The following NDRG4 variants were observed in gnomAD, a reference collection of about 807,000 sequenced individuals.
NDRG4 encodes the protein NDRG family member 4, also known as protein NDRG4.
A neutral mutation model predicts 55.8 loss-of-function variants in NDRG4; 38 were observed. That is an observed-to-expected ratio of 0.68 (90% CI 0.53 to 0.89). NDRG4 has a LOEUF of 0.89. Among genes scored for constraint, NDRG4 ranks in the 40% least tolerant of loss-of-function variants. The probability of loss-of-function intolerance (pLI) is 0.00; values close to 1 mark genes in which losing one functional copy is unlikely to be tolerated. For synonymous variants in NDRG4, 190 were observed against 182.7 expected (o/e 1.04, Z -0.32); for missense variants, 455 against 468.6 (o/e 0.97, Z 0.27).
In NDRG4 at chr16:58,464,748, A is replaced by AAGCTAGGGC; in HGVS notation, c.-24+957_-24+958insGGCAGCTAG. On this transcript the variant is annotated intron_variant, in intron 1 of 15. Coordinates refer to the NDRG4 transcript ENST00000258187. This position sits in a 1 kb window ranked among gnomAD's most constrained non-coding sequence, Gnocchi z 4.8. ...AGCGGAGCTCGGATTAGGACCCTGA[A>AAGCTAGGGC]AGCTAGCTCAGGGCTCCTGCCCTCC... is the stretch of plus-strand genomic sequence containing the variant. 7.9e-7 allele frequency: 1 copy of AAGCTAGGGC among 1,273,780 alleles called. No individual in the cohort carries two copies. The highest frequency in any genetic ancestry group is 9.9e-7 in the Non-Finnish European group (1 of 1,011,562). 78.9% of individuals were successfully genotyped at this position (1,273,780 alleles called of 1,614,324 possible).
intron 1 of NDRG4, among the ~76,000 whole-genome samples, chr16:58,471,261 G>A (rs1384057825): frequency 1.5e-5 from 2 of 135,348 alleles, no homozygotes; most frequent in Non-Finnish European, 3.0e-5. Flanking sequence ...AGTGTGGCAT[G>A]ACCTCGGCGT....
chr16:58,501,265 C>A, intron 1 of NDRG4: 1 of 398,306 alleles, frequency 2.5e-6, no homozygotes, highest in Non-Finnish European at 4.4e-6. Flanking sequence ...GGCTGACAGG[C>A]CGAACCACAG....
chr16:58,508,173 T>C (rs2038293933), intron 10 of NDRG4, among the ~76,000 whole-genome samples, 174 bp downstream of exon 10: 1 of 152,172 alleles, frequency 6.6e-6, no homozygotes, highest in Non-Finnish European at 1.5e-5. Flanking sequence ...ACATCTGGCA[T>C]AGCCCCCATC....
At chr16:58,470,691 G>C (rs577775884) in intron 1 of NDRG4, among the ~76,000 whole-genome samples, 1 of 152,202 alleles carries the variant, frequency 6.6e-6, no homozygotes. Flanking sequence ...TGGATCACCT[G>C]AGGTCAGGAG....
Position 58,464,666 on chromosome 16 carries a change from C to G in NDRG4, c.-24+869C>G, listed in dbSNP as rs1335929148. On this transcript the variant is annotated intron_variant, in intron 1 of 15. Transcript: ENST00000258187. The surrounding 1 kb of genome is among the most constrained non-coding windows in gnomAD (Gnocchi z 4.8). ...TTGAGGTTGTGGCGAGTCCCTGGCG[C>G]TGGCGTCCGGGCTGCGGGAGCACCG... 11 of 1,048,588 alleles carry G rather than the reference C, an allele frequency of 1.0e-5. No homozygotes were observed. Among genetic ancestry groups the G allele is most frequent in the Non-Finnish European group, 1.4e-5 (11 of 807,632 alleles). 65.0% of individuals were successfully genotyped at this position (1,048,588 alleles called of 1,614,324 possible).
In NDRG4 at chr16:58,512,938, G is replaced by T. The variant is rs367720486; in HGVS notation, c.*1362G>T. On this transcript the variant is annotated 3_prime_UTR_variant, in exon 15 of 15. Transcript: ENST00000570248. ...TCTGAGGCTGAGAGGACACCTATAT[G>T]CGTATTTCCTCTACACACATCACCC... is the stretch of plus-strand genomic sequence containing the variant. The T allele has an allele frequency of 3.3e-5, 5 of 152,670 alleles. 1 individual carries two copies. The highest frequency in any genetic ancestry group is 3.9e-4 in the East Asian group (2 of 5,178). The allele number at this position is 152,670 out of a possible 1,614,324, so 9.5% of individuals were successfully genotyped here. A position where few individuals can be genotyped will look rare whatever the true frequency, so the allele number is the denominator to read the frequency against.
rs953569560 is a variant in NDRG4, at chr16:58,464,496, G to A, written c.-24+699G>A. On this transcript the variant is annotated intron_variant, in intron 1 of 15. Transcript: ENST00000258187. This position sits in a 1 kb window ranked among gnomAD's most constrained non-coding sequence, Gnocchi z 4.8. ...CCGCCCGCCTGCCCCGCAGCCGGCCGCCACTTTCCGAGTTGGAGCGGACTC... is the reference window on the plus strand; with the variant it reads ...CCGCCCGCCTGCCCCGCAGCCGGCCACCACTTTCCGAGTTGGAGCGGACTC... The A allele has an allele frequency of 2.3e-6, 3 of 1,306,366 alleles. No individual in the cohort carries two copies. Among genetic ancestry groups the A allele is most frequent in the Non-Finnish European group, 2.9e-6 (3 of 1,026,092 alleles). 80.9% of individuals were successfully genotyped at this position (1,306,366 alleles called of 1,614,324 possible).
chr16:58,474,844 C>T (rs141391969), intron 1 of NDRG4, among the ~76,000 whole-genome samples: 2,025 of 152,296 alleles, frequency 0.013, 28 homozygotes, highest in Middle Eastern at 0.024. Flanking sequence ...AAACCCAGTG[C>T]TGTTAGGAGA....
At chr16:58,474,939 C>T (rs56379581) in intron 1 of NDRG4, among the ~76,000 whole-genome samples, 1 of 152,184 alleles carries the variant, frequency 6.6e-6, no homozygotes, top group Non-Finnish European at 1.5e-5. Flanking sequence ...CTGGGAGTTG[C>T]TTGGAACAGA....
At chr16:58,500,528 A>T (rs2151769452) in intron 1 of NDRG4, 1 of 556,002 alleles carries the variant, frequency 1.8e-6, no homozygotes, top group South Asian at 2.1e-5. Flanking sequence ...GGGGTGGGTG[A>T]CATATCTGCA....
In NDRG4 at chr16:58,507,928, C is replaced by T. The variant is rs1567352688; in HGVS notation, c.678-20C>T. On this transcript the variant is annotated intron_variant, in intron 9 of 14. Coordinates refer to ENST00000570248, the MANE Select transcript of NDRG4 (RefSeq NM_001242835.2). ...GCCCCCATGACCCAGCCAGACAGCCCTTTTCCTCTGTATCTGCAGCTGCCC... is the reference window on the plus strand; with the variant it reads ...GCCCCCATGACCCAGCCAGACAGCCTTTTTCCTCTGTATCTGCAGCTGCCC... The T allele has an allele frequency of 6.2e-7, 1 of 1,612,750 alleles. No homozygotes were observed. Among genetic ancestry groups the T allele is most frequent in the East Asian group, 2.2e-5 (1 of 44,832 alleles).
At chr16:58,507,404 TGCAGGAA>T (rs2038183000) in intron 8 of NDRG4, 1 of 360,068 alleles carries the variant, frequency 2.8e-6, no homozygotes, top group Non-Finnish European at 5.1e-6. Context: ...TGCCCTGCCC[TGCAGGAA>T]GGTGGCCAGG....
At chr16:58,505,043 GT>G (rs2037671791) in intron 5 of NDRG4, among the ~76,000 whole-genome samples, 1 of 152,046 alleles carries the variant, frequency 6.6e-6, no homozygotes, top group Non-Finnish European at 1.5e-5. Flanking sequence ...TGGTTGGGAG[GT>G]TTAAAGAAGG....
At chr16:58,511,268 G>C in intron 14 of NDRG4, 154 bp from the exon 15 acceptor site, 1 of 851,324 alleles carries the variant, frequency 1.2e-6, no homozygotes, top group East Asian at 2.5e-5. Flanking sequence ...CATGCCCCCA[G>C]CCCGACAGCT....
chr16:58,500,624 G>A, intron 1 of NDRG4: 2 of 508,344 alleles, frequency 3.9e-6, no homozygotes, highest in Non-Finnish European at 6.9e-6. Flanking sequence ...CCCTCTGACC[G>A]TGTGCCCTCT....
chr16:58,501,148 C>T, intron 1 of NDRG4: 3 of 1,069,776 alleles, frequency 2.8e-6, no homozygotes, highest in Non-Finnish European at 3.6e-6. Flanking sequence ...GGGCCCCACA[C>T]GCCTGCCCTG....
At chr16:58,477,682 GAAAA>G (rs202141495) in intron 1 of NDRG4, among the ~76,000 whole-genome samples, 4 of 127,452 alleles carry the variant, frequency 3.1e-5, no homozygotes, top group African/African-American at 8.8e-5. Flanking sequence ...TCCTCAGCAG[GAAAA>G]AAAAAAAGAA....
chr16:58,479,187 C>G (rs1206207344), intron 1 of NDRG4, among the ~76,000 whole-genome samples: 1 of 152,090 alleles, frequency 6.6e-6, no homozygotes. Flanking sequence ...AGCCACTGTG[C>G]CCAGCCATAA....
chr16:58,466,889 A>G (rs1320639497), intron 1 of NDRG4, among the ~76,000 whole-genome samples: 1 of 152,034 alleles, frequency 6.6e-6, no homozygotes, highest in Non-Finnish European at 1.5e-5. Context: ...CGTGGTTGGG[A>G]CCTAGACCCT....
Sources: gnomAD v4.1 joint callset for allele counts (sites outside exome capture counted in the v4.1 genomes callset) on GRCh38, gnomAD v4.1.1 for gene constraint, Gnocchi (gnomAD v3.1) non-coding constraint, MANE v1.5 for transcripts, NCBI Gene and HGNC (gene_info 2026-07-23, HGNC 2026-07-21) for gene names.